Variants in CADPS observed in about 807,000 individuals in gnomAD.
The protein encoded by CADPS is calcium dependent secretion activator, also known as calcium-dependent secretion activator 1.
A neutral mutation model predicts 167.3 loss-of-function variants in CADPS; 57 were observed. The observed-to-expected ratio is 0.34, with a 90% confidence interval of 0.28 to 0.42. The LOEUF (loss-of-function observed/expected upper bound fraction) is 0.42. CADPS is among the 20% of genes least tolerant of loss of function. CADPS has a pLI of 1.00. For missense variants in CADPS, 1,414 were observed against 1,738.1 expected, an observed-to-expected ratio of 0.81 and a Z score of 3.32; for synonymous variants, 676 against 635.3, an observed-to-expected ratio of 1.06 and a Z score of -0.96.
rs2062276642 is a variant in CADPS, at chr3:62,483,277, G to A, written c.3027-1408C>T. ...TAACAGGACTCCTGCAAGAGCTGGA[G>A]CTGCCTCTGGGCTTGCTTGGGTGGG... is the stretch of plus-strand genomic sequence containing the variant. On this transcript the variant is annotated intron_variant, in intron 21 of 29. Coordinates refer to ENST00000383710, the MANE Select transcript of CADPS (RefSeq NM_003716.4). 6.7e-5 allele frequency among the ~76,000 whole-genome samples: 10 copies of A among 148,510 alleles called. No individual in the cohort carries two copies. The South Asian group carries it at 2.2e-3, about 33-fold the overall frequency.
At chr3:62,490,520 T>C (rs2151056064) in intron 21 of CADPS, among the ~76,000 whole-genome samples, 1 of 152,268 alleles carries the variant, frequency 6.6e-6, no homozygotes, top group South Asian at 2.1e-4. Context: ...CTGCCAAACA[T>C]TTTCAAATAA....
intron 6 of CADPS, among the ~76,000 whole-genome samples, chr3:62,599,643 A>T (rs1281747907): frequency 4.2e-4 from 2 of 4,806 alleles, no homozygotes; most frequent in Non-Finnish European, 7.5e-4. Context: ...TAAATATAAT[A>T]TATAATATAT....
At chr3:62,630,410 T>A (rs1347302705) in intron 6 of CADPS, among the ~76,000 whole-genome samples, 1 of 152,196 alleles carries the variant, frequency 6.6e-6, no homozygotes, top group African/African-American at 2.4e-5. Context: ...GTGAGATCTC[T>A]GTTCACTGCA....
At chr3:62,600,765 G>T (rs766265991) in intron 6 of CADPS, among the ~76,000 whole-genome samples, 27 of 152,184 alleles carry the variant, frequency 1.8e-4, no homozygotes, top group Non-Finnish European at 3.4e-4. Context: ...CACTTATAAC[G>T]TGTGAGAGTG....
chr3:62,660,911 C>T (rs1243052902), intron 4 of CADPS, among the ~76,000 whole-genome samples: 1 of 152,186 alleles, frequency 6.6e-6, no homozygotes, highest in Non-Finnish European at 1.5e-5. Context: ...TTTAGACAGA[C>T]CTGAGCTGAG....
At chr3:62,638,096 T>C (rs1173985634) in intron 6 of CADPS, among the ~76,000 whole-genome samples, 2 of 9,338 alleles carry the variant, frequency 2.1e-4, no homozygotes, top group Non-Finnish European at 7.9e-3. Context: ...TATATATATG[T>C]ATATATATAT....
chr3:62,649,668 C>T (rs2069560414), intron 5 of CADPS, among the ~76,000 whole-genome samples: 1 of 148,016 alleles, frequency 6.8e-6, no homozygotes. Flanking sequence ...TAAATTGATC[C>T]TCCCACCTCA....
chr3:62,457,657 C>T (rs911548895), intron 26 of CADPS, among the ~76,000 whole-genome samples: 2 of 152,066 alleles, frequency 1.3e-5, no homozygotes, highest in African/African-American at 4.8e-5. Context: ...TATGCTAAGA[C>T]TGAACTGGTG....
chr3:62,823,430 G>T (rs951161004), intron 1 of CADPS, among the ~76,000 whole-genome samples: 1 of 152,076 alleles, frequency 6.6e-6, no homozygotes, highest in South Asian at 2.1e-4. Context: ...AATACAAATG[G>T]TTACTTTAAT....
chr3:62,771,167 A>G (rs950489805), intron 1 of CADPS, among the ~76,000 whole-genome samples: 5 of 152,172 alleles, frequency 3.3e-5, no homozygotes, highest in African/African-American at 1.2e-4. Flanking sequence ...AGCTATACAC[A>G]TATGTCTCAT....
intron 5 of CADPS, among the ~76,000 whole-genome samples, chr3:62,650,546 A>C (rs2069832210): frequency 6.6e-6 from 1 of 152,236 alleles, no homozygotes; most frequent in Non-Finnish European, 1.5e-5. Flanking sequence ...ACTGGCTGCC[A>C]AAATTTTTAA....
intron 2 of CADPS, among the ~76,000 whole-genome samples, chr3:62,754,124 C>T (rs1056844540): frequency 2.0e-5 from 3 of 152,156 alleles, no homozygotes; most frequent in Middle Eastern, 3.2e-3. Flanking sequence ...GCAAGTTAAC[C>T]TCTTTGTACC....
chr3:62,732,704 ACT>A (rs2078162730), intron 3 of CADPS, among the ~76,000 whole-genome samples: 1 of 152,204 alleles, frequency 6.6e-6, no homozygotes, highest in African/African-American at 2.4e-5. Context: ...TGCACCTTGC[ACT>A]CTCATAAACT....
At chr3:62,453,544 T>A (rs968204370) in intron 26 of CADPS, among the ~76,000 whole-genome samples, 4 of 152,180 alleles carry the variant, frequency 2.6e-5, no homozygotes, top group African/African-American at 9.7e-5. Context: ...ATGCTCTAAG[T>A]GCATCTTGGG....
At position 62,433,419 on chromosome 3, in the gene CADPS, G is replaced by A. The variant is rs1187481942; in HGVS notation, c.3777+4685C>T. Among the ~76,000 whole-genome samples, 2 of 152,138 alleles carry A rather than the reference G, an allele frequency of 1.3e-5. No homozygotes were observed. The highest frequency in any genetic ancestry group is 2.1e-4 in the South Asian group (1 of 4,830). On this transcript the variant is annotated intron_variant, in intron 28 of 29. Transcript: ENST00000383710. This position sits in a 1 kb window ranked among gnomAD's most constrained non-coding sequence, Gnocchi z 4.7. ...CTGCTTGATTAAGTTCTTACGAGGT[G>A]GTTTGGTAAGAGGCCCTTTCCTGAT...
intron 12 of CADPS, among the ~76,000 whole-genome samples, chr3:62,534,237 G>A (rs2074263432): frequency 6.6e-6 from 1 of 152,198 alleles, no homozygotes; most frequent in African/African-American, 2.4e-5. Flanking sequence ...TCTTCTCTGA[G>A]TCATCTTTTG....
intron 10 of CADPS, chr3:62,550,900 CAGGAGGAA>C (rs768163612): frequency 3.1e-5 from 14 of 456,630 alleles, no homozygotes; most frequent in Non-Finnish European, 5.7e-5. Context: ...ACTTAGCTTT[CAGGAGGAA>C]ACCCTGACTT....
chr3:62,686,558 T>C (rs2078075847), intron 3 of CADPS, among the ~76,000 whole-genome samples: 1 of 152,080 alleles, frequency 6.6e-6, no homozygotes, highest in Admixed American at 6.6e-5. Context: ...TGATATAAGA[T>C]AAAAATATTG....
At chr3:62,515,971 T>C (rs1323012186) in intron 16 of CADPS, 88 bp downstream of exon 16, 1 of 1,524,968 alleles carries the variant, frequency 6.6e-7, no homozygotes, top group Non-Finnish European at 9.0e-7. Context: ...GACCACTGTT[T>C]TCAGGTGCCC....
Sources: allele counts gnomAD v4.1 joint callset (sites outside exome capture counted in the v4.1 genomes callset), GRCh38; gene constraint gnomAD v4.1.1; non-coding constraint Gnocchi (gnomAD v3.1); transcripts MANE v1.5; gene names NCBI Gene and HGNC (gene_info 2026-07-23, HGNC 2026-07-21).